RASA2: variants seen among roughly 807,000 people sequenced by gnomAD.
The protein encoded by RASA2 is ras GTPase-activating protein 2.
A neutral mutation model predicts 118.2 loss-of-function variants in RASA2; 155 were observed. The ratio of observed to expected loss-of-function variants is 1.31; its 90% CI spans 1.15 to 1.50. RASA2 has a LOEUF of 1.50. RASA2 is among the 40% of genes most tolerant of loss of function. RASA2 has a pLI of 0.00. For synonymous variants in RASA2, 353 were observed against 349.1 expected (o/e 1.01, Z -0.12); for missense variants, 1,016 against 1,009.6 (o/e 1.01, Z -0.09).
chr3:141,556,348 T>C (rs1004566092), intron 7 of RASA2, among the ~76,000 whole-genome samples: 1 of 151,500 alleles, frequency 6.6e-6, no homozygotes, highest in Non-Finnish European at 1.5e-5. Flanking sequence ...AAGTTTCTTA[T>C]CCTGTGAAAG....
chr3:141,601,164 A>C (rs562836893), intron 19 of RASA2, among the ~76,000 whole-genome samples: 1 of 152,320 alleles, frequency 6.6e-6, no homozygotes, highest in African/African-American at 2.4e-5. Flanking sequence ...ACAGTGGCTC[A>C]CACCTGTACC....
In RASA2 at chr3:141,580,449, A is replaced by C. The variant is rs1439056195; in HGVS notation, c.1672A>C (p.Lys558Gln). The part of the protein sequence containing the change: ...LGSWGSLSKS[K>Q]SSFKETFMCE... ...AAGCTGGGGGAGTCTGTCCAAAAGC[A>C]AGGTAAGTCCTTACATCTTTTATTT... is the stretch of plus-strand genomic sequence containing the variant. The change falls in exon 16 of 24, where the codon AAG (lysine) becomes CAG (glutamine). Residue 558 changes from lysine to glutamine, a missense_variant and splice_region_variant. By Grantham distance (53) the Lys-to-Gln change is moderately conservative (BLOSUM62 1). Coordinates refer to ENST00000286364, the MANE Select transcript of RASA2 (RefSeq NM_006506.5). 6.3e-7 allele frequency: 1 copy of C among 1,590,452 alleles called. No homozygotes were observed. Among genetic ancestry groups the C allele is most frequent in the Non-Finnish European group, 8.6e-7 (1 of 1,160,424 alleles).
intron 14 of RASA2, among the ~76,000 whole-genome samples, chr3:141,576,331 T>TA (rs1484766420): frequency 6.6e-6 from 1 of 152,214 alleles, no homozygotes; most frequent in Non-Finnish European, 1.5e-5. Context: ...AATGGTTACC[T>TA]ACTGAATGAC....
intron 4 of RASA2, among the ~76,000 whole-genome samples, chr3:141,530,575 C>A (rs1010976418): frequency 6.6e-6 from 1 of 152,010 alleles, no homozygotes; most frequent in African/African-American, 2.4e-5. Flanking sequence ...TTTTAATTTG[C>A]CACTGTGACT....
At chr3:141,497,004 T>C (rs929828834) in intron 1 of RASA2, among the ~76,000 whole-genome samples, 10 of 152,232 alleles carry the variant, frequency 6.6e-5, no homozygotes, top group Middle Eastern at 3.4e-3. Context: ...GATGAATTCA[T>C]GTCCTTTGTA....
chr3:141,589,376 A>G (rs1319156371), intron 19 of RASA2, among the ~76,000 whole-genome samples: 2 of 152,212 alleles, frequency 1.3e-5, no homozygotes, highest in African/African-American at 4.8e-5. Flanking sequence ...TTTTCGGTTT[A>G]TAATCTTCTT....
chr3:141,561,101 T>C (rs1416977494), intron 9 of RASA2, among the ~76,000 whole-genome samples: 1 of 152,214 alleles, frequency 6.6e-6, no homozygotes, highest in South Asian at 2.1e-4. Flanking sequence ...AAAAATCAAA[T>C]GTAGTCACTA....
At chr3:141,565,466 A>G (rs1577746082) in intron 9 of RASA2, among the ~76,000 whole-genome samples, 1 of 152,170 alleles carries the variant, frequency 6.6e-6, no homozygotes, top group East Asian at 1.9e-4. Flanking sequence ...TTGAATTGTA[A>G]TCATCCCCAC....
At chr3:141,603,714 A>G (rs1005957923) in intron 19 of RASA2, among the ~76,000 whole-genome samples, 3 of 152,198 alleles carry the variant, frequency 2.0e-5, no homozygotes, top group African/African-American at 4.8e-5. Context: ...CCACCCAAAA[A>G]GAAACCCTAT....
At chr3:141,559,065 C>A in intron 8 of RASA2, 103 bp downstream of exon 8, 3 of 914,778 alleles carry the variant, frequency 3.3e-6, no homozygotes, top group Non-Finnish European at 5.0e-6. Flanking sequence ...TTCTCTATAG[C>A]AAGTTGGTTG....
At chr3:141,544,854 A>G (rs1225572794) in intron 5 of RASA2, among the ~76,000 whole-genome samples, 5 of 152,250 alleles carry the variant, frequency 3.3e-5, no homozygotes, top group African/African-American at 4.8e-5. Context: ...GCGGAGCTGA[A>G]GGCCATTATC....
At chr3:141,531,312 C>T (rs2082255350) in intron 4 of RASA2, among the ~76,000 whole-genome samples, 1 of 151,678 alleles carries the variant, frequency 6.6e-6, no homozygotes, top group African/African-American at 2.4e-5. Context: ...AGAGTTCCAG[C>T]TCTCAAAAGG....
In RASA2 at chr3:141,571,314, A is replaced by C. The variant is rs968281047; in HGVS notation, c.1021-92A>C. On this transcript the variant is annotated intron_variant, in intron 10 of 23. Coordinates refer to ENST00000286364, the MANE Select transcript of RASA2 (RefSeq NM_006506.5). ...AATGTCCTGTATAACAGCTTTAGTG[A>C]CATTATTTCAGTTACTTTTACAGGC... 19 of 1,482,250 alleles carry C rather than the reference A, an allele frequency of 1.3e-5. 1 individual carries two copies. The East Asian group carries it at 3.6e-4, about 28-fold the overall frequency. 91.8% of individuals were successfully genotyped at this position (1,482,250 alleles called of 1,614,324 possible). A position where few individuals can be genotyped will look rare whatever the true frequency, so the allele number is the denominator to read the frequency against.
intron 1 of RASA2, among the ~76,000 whole-genome samples, chr3:141,497,808 G>C (rs2081725984): frequency 6.6e-6 from 1 of 151,648 alleles, no homozygotes; most frequent in Admixed American, 6.6e-5. Flanking sequence ...GGAGGTTGAG[G>C]CTGCGGTGAG....
At chr3:141,533,435 A>G (rs1013952517) in intron 4 of RASA2, among the ~76,000 whole-genome samples, 2 of 152,220 alleles carry the variant, frequency 1.3e-5, no homozygotes, top group Non-Finnish European at 2.9e-5. Context: ...GAGGATCTTC[A>G]TCTATGAAAT....
At chr3:141,609,654 A>T (rs763264666) in intron 22 of RASA2, 131 bp downstream of exon 22, 37 of 848,324 alleles carry the variant, frequency 4.4e-5, no homozygotes, top group Non-Finnish European at 6.0e-5. Context: ...AAGTTGACAA[A>T]CCCACAGAGA....
At chr3:141,572,496 A>G in intron 11 of RASA2, 113 bp from the exon 12 acceptor site, 2 of 704,748 alleles carry the variant, frequency 2.8e-6, no homozygotes, top group Non-Finnish European at 4.9e-6. Flanking sequence ...GCCTTCTAGT[A>G]TGTCTTAATC....
At chr3:141,545,337 G>A (rs1036690633) in intron 5 of RASA2, among the ~76,000 whole-genome samples, 4 of 152,042 alleles carry the variant, frequency 2.6e-5, no homozygotes, top group African/African-American at 4.8e-5. Context: ...TGTACAGGAA[G>A]CATGGCAGCA....
At chr3:141,494,190 G>A (rs931570399) in intron 1 of RASA2, among the ~76,000 whole-genome samples, 5 of 152,176 alleles carry the variant, frequency 3.3e-5, no homozygotes, top group African/African-American at 4.8e-5. Flanking sequence ...TACATTTCTA[G>A]ATAGATGTTA....
Sources: gnomAD v4.1 joint callset for allele counts (sites outside exome capture counted in the v4.1 genomes callset) on GRCh38, gnomAD v4.1.1 for gene constraint, MANE v1.5 for transcripts, NCBI Gene and HGNC (gene_info 2026-07-23, HGNC 2026-07-21) for gene names.